Variants in FAAH2 observed in about 807,000 individuals in gnomAD.
FAAH2 encodes fatty-acid amide hydrolase 2.
In FAAH2, 60 loss-of-function variants were observed where a neutral mutation model predicts 36.9. That is an observed-to-expected ratio of 1.63 (90% CI 1.32 to 2.02). FAAH2 has a LOEUF of 2.02. FAAH2 is among the 30% of genes most tolerant of loss of function. The pLI is 0.00. For missense variants in FAAH2, 689 were observed against 397.5 expected, an observed-to-expected ratio of 1.73 and a Z score of -6.23; for synonymous variants, 214 against 143.8, an observed-to-expected ratio of 1.49 and a Z score of -3.49.
At chrX:57,427,008 GAGA>G (rs1051830518) in intron 7 of FAAH2, among the ~76,000 whole-genome samples, 12 of 111,046 alleles carry the variant, frequency 1.1e-4, no homozygotes, top group African/African-American at 3.9e-4. Flanking sequence ...GAATAACCAT[GAGA>G]AGAAGAGAGA....
chrX:57,425,676 CA>C (rs1386961163), intron 7 of FAAH2, among the ~76,000 whole-genome samples: 1 of 111,518 alleles, frequency 9.0e-6, no homozygotes, highest in African/African-American at 3.3e-5. Context: ...GTGAATTTAT[CA>C]TGACTATACT....
chrX:57,159,101 A>T, the FAAH2 span, among the ~76,000 whole-genome samples: 9 of 112,154 alleles, frequency 8.0e-5, no homozygotes, highest in African/African-American at 2.6e-4. Context: ...TAGAGAATCC[A>T]TTCCCCATTT....
intron 7 of FAAH2, chrX:57,395,428 G>A: frequency 3.0e-6 from 2 of 663,055 alleles, no homozygotes; most frequent in Non-Finnish European, 4.8e-6. Context: ...TTAGTCTGCT[G>A]CCCACGATGG....
chrX:57,411,333 G>T (rs1333977639), intron 7 of FAAH2, among the ~76,000 whole-genome samples: 2 of 111,765 alleles, frequency 1.8e-5, no homozygotes, highest in Non-Finnish European at 3.8e-5. Context: ...TGACTGTTAA[G>T]ATTCTGACCT....
intron 5 of FAAH2, among the ~76,000 whole-genome samples, chrX:57,352,122 A>G (rs865992973): frequency 4.4e-5 from 2 of 45,903 alleles, no homozygotes; most frequent in African/African-American, 1.3e-4. Context: ...ATATATATGC[A>G]CATATATATA....
chrX:57,476,456 T>A (rs1392707882), intron 10 of FAAH2, among the ~76,000 whole-genome samples: 1 of 111,519 alleles, frequency 9.0e-6, no homozygotes, highest in Non-Finnish European at 1.9e-5. Context: ...CATGTGGATT[T>A]TGTCACTGGT....
At chrX:57,124,490 C>CT in the FAAH2 span, among the ~76,000 whole-genome samples, 1 of 111,647 alleles carries the variant, frequency 9.0e-6, no homozygotes, top group African/African-American at 3.3e-5. Context: ...AATGCAGGCT[C>CT]TTTTTTTGTT....
intron 4 of FAAH2, among the ~76,000 whole-genome samples, chrX:57,335,821 G>A (rs1190393505): frequency 1.8e-5 from 2 of 111,858 alleles, no homozygotes; most frequent in African/African-American, 6.5e-5. Context: ...AGGTACCTGC[G>A]GCCTTCTGCA....
chrX:57,213,215 C>T, the FAAH2 span, among the ~76,000 whole-genome samples: 2 of 111,289 alleles, frequency 1.8e-5, no homozygotes, highest in Non-Finnish European at 3.8e-5. Flanking sequence ...TGGATCTTCT[C>T]TCTTCTTTTC....
the FAAH2 span, among the ~76,000 whole-genome samples, chrX:57,221,845 T>G: frequency 9.1e-6 from 1 of 110,189 alleles, no homozygotes; most frequent in Non-Finnish European, 1.9e-5. Context: ...CCTCAAGGTT[T>G]CAGAGACAGC....
chrX:57,164,038 A>G, the FAAH2 span, among the ~76,000 whole-genome samples: 1 of 112,477 alleles, frequency 8.9e-6, no homozygotes, highest in East Asian at 2.8e-4. Context: ...AAGGACGGTA[A>G]TGGCAAGATG....
chrX:57,446,429 A>G (rs2056675889), intron 8 of FAAH2, among the ~76,000 whole-genome samples: 1 of 112,126 alleles, frequency 8.9e-6, no homozygotes, highest in Non-Finnish European at 1.9e-5. Context: ...TTGTTGAGGT[A>G]TAATTCATAT....
chrX:57,322,798 C>A (rs921908554), intron 3 of FAAH2, among the ~76,000 whole-genome samples: 2 of 53,156 alleles, frequency 3.8e-5, no homozygotes, highest in African/African-American at 1.0e-4. Context: ...GCTGCTAATG[C>A]TTGTGATTTC....
At chrX:57,299,201 C>A (rs917171403) in intron 2 of FAAH2, among the ~76,000 whole-genome samples, 13 of 111,766 alleles carry the variant, frequency 1.2e-4, no homozygotes, top group Non-Finnish European at 2.1e-4. Context: ...ATGCAAAAAT[C>A]CTCAATAAAA....
the FAAH2 span, among the ~76,000 whole-genome samples, chrX:57,124,682 T>A: frequency 5.5e-4 from 61 of 111,518 alleles, no homozygotes; most frequent in African/African-American, 1.9e-3. Flanking sequence ...TATTTCCTTG[T>A]GCAGTGGTTT....
the FAAH2 span, among the ~76,000 whole-genome samples, chrX:57,212,799 G>T: frequency 1.8e-5 from 2 of 111,908 alleles, no homozygotes; most frequent in Non-Finnish European, 3.8e-5. Context: ...TTTTGTTGTT[G>T]TGTCCTTGAC....
chrX:57,364,592 A>G (rs749207008), intron 5 of FAAH2, among the ~76,000 whole-genome samples: 2 of 108,638 alleles, frequency 1.8e-5, no homozygotes, highest in Non-Finnish European at 3.8e-5. Flanking sequence ...TTTCTTTTTA[A>G]ATAGTAACTT....
chrX:57,463,035 C>A (rs924219329), intron 10 of FAAH2, among the ~76,000 whole-genome samples: 3 of 111,799 alleles, frequency 2.7e-5, no homozygotes, highest in Non-Finnish European at 5.6e-5. Context: ...GGAGCCAAAT[C>A]ATGATTGAAC....
At chrX:57,314,065 C>CA (rs1349474193) in intron 3 of FAAH2, among the ~76,000 whole-genome samples, 1 of 111,028 alleles carries the variant, frequency 9.0e-6, no homozygotes, top group Non-Finnish European at 1.9e-5. Flanking sequence ...AAACAGGAAA[C>CA]AAAAAAGAGC....
Sources: allele counts gnomAD v4.1 joint callset (sites outside exome capture counted in the v4.1 genomes callset), GRCh38; gene constraint gnomAD v4.1.1; transcripts MANE v1.5; gene names NCBI Gene and HGNC (gene_info 2026-07-23, HGNC 2026-07-21).